DPP10: variants seen among roughly 807,000 people sequenced by gnomAD.
DPP10 encodes the protein dipeptidyl peptidase like 10, also known as inactive dipeptidyl peptidase 10.
A neutral mutation model predicts 120.9 loss-of-function variants in DPP10; 33 were observed. The ratio of observed to expected loss-of-function variants is 0.27; its 90% confidence interval spans 0.21 to 0.37. The LOEUF is 0.37. Ranked by LOEUF, DPP10 falls within the 10% of genes least tolerant of loss-of-function variation. The pLI is 1.00. For missense variants in DPP10, 816 were observed against 942.8 expected, an observed-to-expected ratio of 0.87 and a Z score of 1.76; for synonymous variants, 337 against 326.1, an observed-to-expected ratio of 1.03 and a Z score of -0.36.
intron 1 of DPP10, among the ~76,000 whole-genome samples, chr2:114,586,827 T>C (rs1045046752): frequency 6.6e-6 from 1 of 152,158 alleles, no homozygotes; most frequent in Non-Finnish European, 1.5e-5. Flanking sequence ...AAAAAGAGCT[T>C]GGCATCTGCC....
At chr2:114,531,965 G>A (rs1227460497) in intron 1 of DPP10, among the ~76,000 whole-genome samples, 1 of 151,860 alleles carries the variant, frequency 6.6e-6, no homozygotes, top group Non-Finnish European at 1.5e-5. Flanking sequence ...ATTGTGGGTA[G>A]GCGTCATCTA....
intron 1 of DPP10, among the ~76,000 whole-genome samples, chr2:115,115,580 T>G (rs1387459273): frequency 6.6e-6 from 1 of 152,196 alleles, no homozygotes. Context: ...ATCATTCCCA[T>G]CCATTATTCA....
chr2:114,889,417 A>G (rs1381747433), intron 1 of DPP10, among the ~76,000 whole-genome samples: 2 of 151,648 alleles, frequency 1.3e-5, no homozygotes, highest in South Asian at 2.1e-4. Context: ...TATACATTAT[A>G]TATGTATAAA....
intron 5 of DPP10, among the ~76,000 whole-genome samples, chr2:115,561,412 C>T (rs1162132963): frequency 6.7e-6 from 1 of 148,818 alleles, no homozygotes; most frequent in Admixed American, 6.7e-5. Context: ...AAGACTGACC[C>T]ATTGCGGTGT....
chr2:114,888,111 C>T (rs1368534025), intron 1 of DPP10, among the ~76,000 whole-genome samples: 2 of 149,686 alleles, frequency 1.3e-5, no homozygotes, highest in South Asian at 4.2e-4. Flanking sequence ...CTGCTGCACT[C>T]CAGCCTGGGC....
chr2:114,950,037 A>G (rs547409006), intron 1 of DPP10, among the ~76,000 whole-genome samples: 4 of 152,160 alleles, frequency 2.6e-5, no homozygotes, highest in African/African-American at 4.8e-5. Context: ...AAAAATTCTT[A>G]AAAAAACTGT....
chr2:114,896,669 T>C (rs1397400162), intron 1 of DPP10, among the ~76,000 whole-genome samples: 6 of 152,248 alleles, frequency 3.9e-5, no homozygotes, highest in Admixed American at 3.9e-4. Context: ...TATACAATCA[T>C]GTCATCTGCA....
At chr2:115,405,980 T>C (rs1574736779) in intron 3 of DPP10, among the ~76,000 whole-genome samples, 1 of 152,254 alleles carries the variant, frequency 6.6e-6, no homozygotes, top group East Asian at 1.9e-4. Flanking sequence ...CTCTTCACAC[T>C]AATCTATTTA....
chr2:114,967,058 A>G (rs1230899691), intron 1 of DPP10, among the ~76,000 whole-genome samples: 2 of 152,082 alleles, frequency 1.3e-5, no homozygotes, highest in Non-Finnish European at 1.5e-5. Context: ...AACAAAACAA[A>G]CAAACAAAAA....
intron 5 of DPP10, among the ~76,000 whole-genome samples, chr2:115,658,949 C>T (rs909162077): frequency 3.3e-5 from 5 of 152,040 alleles, no homozygotes; most frequent in African/African-American, 1.2e-4. Context: ...TTGAAAGTGT[C>T]CCCCAAAGTT....
chr2:114,775,645 T>C (rs111886377), intron 1 of DPP10, among the ~76,000 whole-genome samples: 11 of 152,328 alleles, frequency 7.2e-5, no homozygotes, highest in African/African-American at 2.4e-4. Flanking sequence ...AATGTTAGCA[T>C]GAACTCTTTG....
chr2:114,967,928 C>A (rs910418499), intron 1 of DPP10, among the ~76,000 whole-genome samples: 1 of 152,114 alleles, frequency 6.6e-6, no homozygotes, highest in African/African-American at 2.4e-5. Flanking sequence ...CAGGCCTCGA[C>A]TTAGGCTTAT....
intron 17 of DPP10, among the ~76,000 whole-genome samples, chr2:115,790,295 G>C (rs1166417983): frequency 2.0e-5 from 3 of 151,476 alleles, no homozygotes; most frequent in African/African-American, 7.3e-5. Context: ...TAGCCAGGAT[G>C]GTCTCGATCT....
chr2:115,184,451 A>G (rs1212745500), intron 1 of DPP10, among the ~76,000 whole-genome samples: 1 of 152,142 alleles, frequency 6.6e-6, no homozygotes, highest in Non-Finnish European at 1.5e-5. Context: ...TCTTCTCTTT[A>G]TTGGACTTTT....
chr2:114,445,391 C>T (rs1677881119), intron 1 of DPP10, among the ~76,000 whole-genome samples: 1 of 152,136 alleles, frequency 6.6e-6, no homozygotes, highest in Non-Finnish European at 1.5e-5. Context: ...ACTTTTCCCC[C>T]ATCAGTATAG....
intron 1 of DPP10, among the ~76,000 whole-genome samples, chr2:114,476,651 C>G (rs751488369): frequency 2.6e-4 from 40 of 152,186 alleles, no homozygotes; most frequent in Non-Finnish European, 4.9e-4. Flanking sequence ...CTGGAAAGTT[C>G]AAACAGGAAA....
chr2:115,704,905 GTTTC>G (rs998866325), intron 7 of DPP10, among the ~76,000 whole-genome samples: 1 of 151,776 alleles, frequency 6.6e-6, no homozygotes, highest in African/African-American at 2.4e-5. Context: ...ATTTCTAAAG[GTTTC>G]TTTTTCTTTT....
intron 1 of DPP10, among the ~76,000 whole-genome samples, chr2:114,903,845 C>T (rs1213325062): frequency 6.6e-6 from 1 of 152,138 alleles, no homozygotes; most frequent in African/African-American, 2.4e-5. Flanking sequence ...TGTTAGAACA[C>T]AAGAAAGTGG....
chr2:115,079,628 G>A (rs866252146), intron 1 of DPP10, among the ~76,000 whole-genome samples: 1 of 152,114 alleles, frequency 6.6e-6, no homozygotes, highest in South Asian at 2.1e-4. Flanking sequence ...CAGCCCATGG[G>A]ACCACAGGAA....
Sources: allele counts gnomAD v4.1 joint callset (sites outside exome capture counted in the v4.1 genomes callset), GRCh38; gene constraint gnomAD v4.1.1; transcripts MANE v1.5; gene names NCBI Gene and HGNC (gene_info 2026-07-23, HGNC 2026-07-21).